KDM6A: variants seen among roughly 807,000 people sequenced by gnomAD.
The protein encoded by KDM6A is lysine demethylase 6A.
A neutral mutation model predicts 117.6 loss-of-function variants in KDM6A; 11 were observed. The observed-to-expected ratio is 0.09, with a 90% CI of 0.06 to 0.15. KDM6A has a LOEUF of 0.15. Among genes scored for constraint, KDM6A ranks in the 10% least tolerant of loss-of-function variants. The probability of loss-of-function intolerance (pLI) is 1.00; values close to 1 mark genes in which losing one functional copy is unlikely to be tolerated. For missense variants in KDM6A, 799 were observed against 1,077.3 expected (o/e 0.74, Z 3.62); for synonymous variants, 384 against 396.1 (o/e 0.97, Z 0.36).
intron 4 of KDM6A, among the ~76,000 whole-genome samples, chrX:44,978,846 C>T: frequency 8.9e-6 from 1 of 111,905 alleles, no homozygotes; most frequent in East Asian, 2.8e-4. Flanking sequence ...GTTTAAACAG[C>T]ATATATTCTT....
At chrX:45,027,336 AACACAC>A (rs200245833) in intron 6 of KDM6A, among the ~76,000 whole-genome samples, 4,922 of 98,094 alleles carry the variant, frequency 0.05, 292 homozygotes, top group African/African-American at 0.18. Context: ...CATAGTGTGA[AACACAC>A]ACACACACAC....
At position 44,888,283 on chromosome X, in the gene KDM6A, C is replaced by A. The variant is rs1300870096; in HGVS notation, c.225+14296C>A. Among the ~76,000 whole-genome samples the A allele has an allele frequency of 2.7e-5, 3 of 112,217 alleles. No individual in the cohort carries two copies. The East Asian group carries it at 8.3e-4, about 31-fold the overall frequency. The stretch of plus-strand genomic sequence containing the variant: ...TCCTGCCACTGCACTCCAGCCTAGG[C>A]GACAGAGCGAGACTCCCTCTCAAAA... On this transcript the variant is annotated intron_variant, in intron 2 of 29. Coordinates refer to ENST00000611820, the MANE Select transcript of KDM6A (RefSeq NM_001291415.2).
chrX:45,069,611 A>G lies in KDM6A; in HGVS notation c.2112A>G (p.Ala704=). The G allele has an allele frequency of 1.7e-6, 2 of 1,211,137 alleles. No homozygotes were observed. The highest frequency in any genetic ancestry group is 2.2e-6 in the Non-Finnish European group (2 of 895,152). ...ACAAAGGTCAGAGTTCACATTCGGC[A>G]GGTCCTAATGGTGAACGACCTCTCT... The part of the protein sequence containing the change: ...GLHKGQSSHS[A]GPNGERPLSS... Residue 704 remains alanine, a synonymous_variant, in exon 18 of 30, where the codon GCA becomes GCG. Coordinates refer to ENST00000611820, the MANE Select transcript of KDM6A (RefSeq NM_001291415.2).
At chrX:44,992,079 G>A (rs2040616845) in intron 4 of KDM6A, among the ~76,000 whole-genome samples, 1 of 110,303 alleles carries the variant, frequency 9.1e-6, no homozygotes, top group Non-Finnish European at 1.9e-5. Flanking sequence ...ATACTTTAGA[G>A]TAAATTACAG....
intron 27 of KDM6A, among the ~76,000 whole-genome samples, chrX:45,093,181 G>A (rs765162250): frequency 5.5e-5 from 6 of 108,963 alleles, no homozygotes; most frequent in Non-Finnish European, 1.1e-4. Flanking sequence ...TCAGGAGTTT[G>A]AGACCAGGCT....
intron 16 of KDM6A, 123 bp downstream of exon 16, chrX:45,062,871 G>A: frequency 2.0e-6 from 1 of 489,825 alleles, no homozygotes; most frequent in East Asian, 3.8e-5. Context: ...ACAGAATTTA[G>A]TAATCTCTGT....
intron 4 of KDM6A, among the ~76,000 whole-genome samples, chrX:44,998,161 G>T (rs1343561106): frequency 1.8e-5 from 2 of 111,968 alleles, no homozygotes; most frequent in African/African-American, 6.5e-5. Context: ...AGAGCCTACA[G>T]TTTGGGAGAC....
At chrX:45,045,980 G>A (rs1443004882) in intron 8 of KDM6A, among the ~76,000 whole-genome samples, 1 of 111,276 alleles carries the variant, frequency 9.0e-6, no homozygotes, top group African/African-American at 3.3e-5. Context: ...TATTACATCC[G>A]AACCTAATAA....
chrX:45,024,409 C>T (rs372726658), intron 6 of KDM6A, among the ~76,000 whole-genome samples: 1 of 111,777 alleles, frequency 8.9e-6, no homozygotes, highest in African/African-American at 3.3e-5. Context: ...CATTTTTTCC[C>T]TATGTTCGTT....
At chrX:45,055,151 T>A (rs2147934837) in intron 10 of KDM6A, among the ~76,000 whole-genome samples, 1 of 111,709 alleles carries the variant, frequency 9.0e-6, no homozygotes, top group South Asian at 3.7e-4. Flanking sequence ...TTTGTTCTAT[T>A]ATTGTTTACA....
chrX:45,051,899 T>C, intron 9 of KDM6A, 97 bp downstream of exon 9: 1 of 511,054 alleles, frequency 2.0e-6, no homozygotes, highest in Non-Finnish European at 3.4e-6. Flanking sequence ...ATTCTATTCC[T>C]TTGCTCAGAG....
chrX:44,991,837 C>T (rs1340780201), intron 4 of KDM6A, among the ~76,000 whole-genome samples: 2 of 103,106 alleles, frequency 1.9e-5, no homozygotes, highest in African/African-American at 4.1e-5. Context: ...CAGCTGTGCA[C>T]CACTACGCCT....
chrX:44,896,519 A>C (rs2033866900), intron 2 of KDM6A, among the ~76,000 whole-genome samples: 1 of 111,454 alleles, frequency 9.0e-6, no homozygotes, highest in South Asian at 3.7e-4. Context: ...GATAAAAAGA[A>C]ACTCATGCGT....
At chrX:44,968,421 G>T (rs1225229710) in intron 3 of KDM6A, among the ~76,000 whole-genome samples, 3 of 112,241 alleles carry the variant, frequency 2.7e-5, no homozygotes, top group African/African-American at 9.7e-5. Flanking sequence ...ATGAACCTCC[G>T]AAGCCAAATT....
rs372677708 is a variant in KDM6A at position 45,034,926 on chromosome X, T to G, written c.565-5T>G. 2.5e-6 allele frequency: 3 copies of G among 1,202,098 alleles called. No homozygotes were observed. The African/African-American group carries it at 5.2e-5, about 21-fold the overall frequency. On this transcript the variant is annotated splice_region_variant and splice_polypyrimidine_tract_variant and intron_variant, in intron 6 of 29. Transcript: ENST00000611820. ...TGCATTAATTTTCTCACTCTCGTCTTGCAGCATTTTCAGTTAGCTTTGGTT... is the reference window on the plus strand; with the variant it reads ...TGCATTAATTTTCTCACTCTCGTCTGGCAGCATTTTCAGTTAGCTTTGGTT...
intron 2 of KDM6A, among the ~76,000 whole-genome samples, chrX:44,900,999 A>G (rs2034305966): frequency 8.9e-6 from 1 of 112,505 alleles, no homozygotes; most frequent in Admixed American, 9.4e-5. Flanking sequence ...TATATTTGTG[A>G]ATTTCTCCAA....
At chrX:44,876,970 A>C (rs5952649) in intron 2 of KDM6A, among the ~76,000 whole-genome samples, 5 of 81,450 alleles carry the variant, frequency 6.1e-5, no homozygotes, top group African/African-American at 2.3e-4. Flanking sequence ...CACGTATATG[A>C]ATACGTATAT....
At chrX:45,069,490 T>C in intron 17 of KDM6A, 89 bp from the exon 18 acceptor site, 1 of 885,193 alleles carries the variant, frequency 1.1e-6, no homozygotes, top group Non-Finnish European at 1.6e-6. Flanking sequence ...AGATATTTAT[T>C]TTTAGTGGCT....
At chrX:44,889,050 C>G (rs1403127617) in intron 2 of KDM6A, among the ~76,000 whole-genome samples, 1 of 111,874 alleles carries the variant, frequency 8.9e-6, no homozygotes, top group Non-Finnish European at 1.9e-5. Flanking sequence ...GAGTCTTGCT[C>G]TGTTGCCCAG....
Sources: allele counts gnomAD v4.1 joint callset (sites outside exome capture counted in the v4.1 genomes callset), GRCh38; gene constraint gnomAD v4.1.1; transcripts MANE v1.5; gene names NCBI Gene and HGNC (gene_info 2026-07-23, HGNC 2026-07-21).